The following FCHSD2 variants were observed in gnomAD, a reference collection of about 807,000 sequenced individuals.
FCHSD2 encodes FCH and double SH3 domains 2.
FCHSD2 carries 38 observed loss-of-function variants against 108.1 expected under a neutral mutation model. That is an observed-to-expected ratio of 0.35 (90% CI 0.27 to 0.46). FCHSD2 has a LOEUF of 0.46. Among genes scored for constraint, FCHSD2 ranks in the 20% least tolerant of loss-of-function variants. The probability of loss-of-function intolerance (pLI) is 1.00; values close to 1 mark genes in which losing one functional copy is unlikely to be tolerated. For missense variants in FCHSD2, 751 were observed against 897.8 expected, an observed-to-expected ratio of 0.84 and a Z score of 2.09; for synonymous variants, 279 against 314.7, an observed-to-expected ratio of 0.89 and a Z score of 1.20.
At chr11:72,894,641 A>G (rs1297091635) in intron 10 of FCHSD2, among the ~76,000 whole-genome samples, 1 of 152,198 alleles carries the variant, frequency 6.6e-6, no homozygotes, top group Non-Finnish European at 1.5e-5. Flanking sequence ...TCAAGTAAAA[A>G]GCATCTGGAT....
In FCHSD2 at chr11:72,912,237, C is replaced by T. The variant is rs140848228; in HGVS notation, c.828+9591G>A. ...GTCATGTTCCAAATCTTAGAGGAAA[C>T]GCATTCAGTTTTTCTCCATTCAATA... is the stretch of plus-strand genomic sequence containing the variant. On this transcript the variant is annotated intron_variant, in intron 9 of 19. Transcript: ENST00000409418. Among the ~76,000 whole-genome samples, 543 of 152,264 alleles carry T rather than the reference C, an allele frequency of 3.6e-3. 1 individual carries two copies. Among genetic ancestry groups the T allele is most frequent in the Admixed American group, 6.7e-3 (103 of 15,290 alleles).
At chr11:72,869,016 C>T (rs1401827552) in intron 12 of FCHSD2, among the ~76,000 whole-genome samples, 3 of 152,022 alleles carry the variant, frequency 2.0e-5, no homozygotes, top group Non-Finnish European at 4.4e-5. Context: ...AAGCAATTCT[C>T]CTGCCTCAGC....
At chr11:72,965,664 G>A (rs1266636673) in intron 8 of FCHSD2, among the ~76,000 whole-genome samples, 5 of 151,846 alleles carry the variant, frequency 3.3e-5, no homozygotes, top group Non-Finnish European at 5.9e-5. Context: ...TCCAGATCAA[G>A]ATTTAGAGCA....
chr11:72,954,196 A>AATTTTTTTTTTTTTTT (rs1565339614), intron 8 of FCHSD2, among the ~76,000 whole-genome samples: 2 of 111,702 alleles, frequency 1.8e-5, no homozygotes, highest in African/African-American at 3.4e-5. Context: ...AGATGTGGGG[A>AATTTTTTTTTTTTTTT]TTTTTTTTTT....
At chr11:72,984,290 A>G (rs2135399382) in intron 7 of FCHSD2, 74 bp from the exon 8 acceptor site, 2 of 1,423,002 alleles carry the variant, frequency 1.4e-6, no homozygotes, top group African/African-American at 1.4e-5. Flanking sequence ...TCCTACTCTT[A>G]GTTTGCAATT....
intron 2 of FCHSD2, among the ~76,000 whole-genome samples, chr11:73,117,435 A>G (rs1860630877): frequency 6.6e-6 from 1 of 152,090 alleles, no homozygotes; most frequent in Admixed American, 6.6e-5. Context: ...TTTTTTCCTA[A>G]TTTATTGAGA....
At chr11:72,845,659 G>A (rs1408102806) in intron 14 of FCHSD2, among the ~76,000 whole-genome samples, 1 of 152,072 alleles carries the variant, frequency 6.6e-6, no homozygotes, top group Non-Finnish European at 1.5e-5. Context: ...GCCTCTTGAC[G>A]CTTTGGCCCC....
At chr11:72,947,991 A>C (rs1286206229) in intron 8 of FCHSD2, among the ~76,000 whole-genome samples, 1 of 152,066 alleles carries the variant, frequency 6.6e-6, no homozygotes, top group Non-Finnish European at 1.5e-5. Context: ...TGGGTATCAT[A>C]CATTTTTTGT....
intron 6 of FCHSD2, 76 bp downstream of exon 6, chr11:72,988,888 C>A: frequency 7.7e-7 from 1 of 1,300,864 alleles, no homozygotes. Context: ...ATGCTCACTA[C>A]TAATAGAGAA....
intron 8 of FCHSD2, among the ~76,000 whole-genome samples, chr11:72,947,973 A>G (rs965856877): frequency 6.6e-6 from 1 of 152,140 alleles, no homozygotes; most frequent in Non-Finnish European, 1.5e-5. Context: ...AATTTTTATG[A>G]CATCGTTTGG....
chr11:72,990,928 T>A (rs1857399364), intron 5 of FCHSD2, among the ~76,000 whole-genome samples: 1 of 152,080 alleles, frequency 6.6e-6, no homozygotes, highest in Non-Finnish European at 1.5e-5. Context: ...AGGAGCTGGT[T>A]TTTTTGAAAA....
intron 3 of FCHSD2, among the ~76,000 whole-genome samples, chr11:73,077,899 C>T (rs1859594878): frequency 1.3e-5 from 2 of 152,132 alleles, no homozygotes; most frequent in Non-Finnish European, 2.9e-5. Context: ...TATTGTGTAT[C>T]AACTACATAA....
rs550915059 is a variant in FCHSD2, at chr11:72,868,337, C to T, written c.1147-311G>A. 1.4e-4 allele frequency among the ~76,000 whole-genome samples: 22 copies of T among 152,170 alleles called. No individual in the cohort carries two copies. The South Asian group carries it at 4.4e-3, about 30-fold the overall frequency. On this transcript the variant is annotated intron_variant, in intron 12 of 19. Transcript: ENST00000409418. Reference sequence around the variant, plus strand: ...CACATGAGTGGGGGAGAACAACACACACTGGGGCCTGTCAGAGGGCGATGG... The same window carrying T: ...CACATGAGTGGGGGAGAACAACACATACTGGGGCCTGTCAGAGGGCGATGG...
At chr11:72,865,508 G>C (rs1565295139) in intron 13 of FCHSD2, among the ~76,000 whole-genome samples, 1 of 152,064 alleles carries the variant, frequency 6.6e-6, no homozygotes, top group South Asian at 2.1e-4. Flanking sequence ...TGATTTCTCT[G>C]GACAGGTCTC....
chr11:73,133,791 T>C (rs1861058019), intron 2 of FCHSD2, among the ~76,000 whole-genome samples: 1 of 27,628 alleles, frequency 3.6e-5, no homozygotes, highest in African/African-American at 1.8e-4. Flanking sequence ...AAACTCCGTC[T>C]CAAAAAAAAA....
chr11:72,943,454 A>G (rs1856460160), intron 8 of FCHSD2, among the ~76,000 whole-genome samples: 1 of 152,240 alleles, frequency 6.6e-6, no homozygotes, highest in Non-Finnish European at 1.5e-5. Context: ...AATCAGGAAA[A>G]AGACAGCACA....
At chr11:72,984,286 T>C in intron 7 of FCHSD2, 70 bp from the exon 8 acceptor site, 1 of 1,477,128 alleles carries the variant, frequency 6.8e-7, no homozygotes, top group African/African-American at 1.4e-5. Flanking sequence ...GGAATCCTAC[T>C]CTTAGTTTGC....
At chr11:72,875,240 G>T (rs928443408) in intron 12 of FCHSD2, among the ~76,000 whole-genome samples, 1 of 151,708 alleles carries the variant, frequency 6.6e-6, no homozygotes, top group Non-Finnish European at 1.5e-5. Flanking sequence ...CTCCATCTTT[G>T]GTACCTTAAA....
chr11:72,914,347 C>T (rs996361132), intron 9 of FCHSD2, among the ~76,000 whole-genome samples: 1 of 152,056 alleles, frequency 6.6e-6, no homozygotes, highest in Non-Finnish European at 1.5e-5. Flanking sequence ...AATGCTATTC[C>T]CATTGAACTA....
Sources: gnomAD v4.1 joint callset for allele counts (sites outside exome capture counted in the v4.1 genomes callset) on GRCh38, gnomAD v4.1.1 for gene constraint, MANE v1.5 for transcripts, NCBI Gene and HGNC (gene_info 2026-07-23, HGNC 2026-07-21) for gene names.